ZNF469: variants seen among roughly 807,000 people sequenced by gnomAD.
ZNF469 encodes zinc finger protein 469.
In ZNF469, 1 loss-of-function variant was observed where a neutral mutation model predicts 1.0. That is an observed-to-expected ratio of 1.00 (90% CI 0.35 to 4.73). The LOEUF is 4.73. Ranked by LOEUF, ZNF469 falls within the 30% of genes most tolerant of loss-of-function variation. ZNF469 has a pLI of 0.16. For missense variants in ZNF469, 6,100 were observed against 5,356.3 expected, an observed-to-expected ratio of 1.14 and a Z score of -4.33; for synonymous variants, 2,703 against 2,363.4, an observed-to-expected ratio of 1.14 and a Z score of -4.17.
At chr16:88,252,358 G>A in the ZNF469 span, among the ~76,000 whole-genome samples, 1 of 151,124 alleles carries the variant, frequency 6.6e-6, no homozygotes, top group South Asian at 2.1e-4. Context: ...CACCCAGGCA[G>A]TCTTGCCCCT....
At chr16:88,123,172 C>T in the ZNF469 span, among the ~76,000 whole-genome samples, 2 of 152,194 alleles carry the variant, frequency 1.3e-5, no homozygotes, top group Non-Finnish European at 2.9e-5. Flanking sequence ...AAAGGCCCTG[C>T]TCCACCCCTT....
the ZNF469 span, among the ~76,000 whole-genome samples, chr16:88,127,896 A>G: frequency 3.9e-5 from 6 of 152,254 alleles, no homozygotes; most frequent in African/African-American, 1.4e-4. Flanking sequence ...GTGAAGGACC[A>G]GCCCAACAGT....
intron 1 of ZNF469, among the ~76,000 whole-genome samples, chr16:88,391,498 A>G (rs1489808185): frequency 1.2e-5 from 1 of 80,208 alleles, no homozygotes; most frequent in Non-Finnish European, 2.6e-5. Flanking sequence ...TCTGCCACCC[A>G]AGGCAAGGGT....
At chr16:88,398,249 C>G (rs1904747087) in intron 1 of ZNF469, among the ~76,000 whole-genome samples, 1 of 151,972 alleles carries the variant, frequency 6.6e-6, no homozygotes, top group Admixed American at 6.6e-5. Flanking sequence ...GCCACACACG[C>G]AAGACACCAC....
chr16:88,345,660 G>T, the ZNF469 span, among the ~76,000 whole-genome samples: 1 of 152,186 alleles, frequency 6.6e-6, no homozygotes, highest in East Asian at 1.9e-4. Flanking sequence ...AGCCCAGAGG[G>T]AGCCTCTGGC....
chr16:88,395,684 A>C (rs2142268398), intron 1 of ZNF469, among the ~76,000 whole-genome samples: 1 of 152,216 alleles, frequency 6.6e-6, no homozygotes, highest in Middle Eastern at 3.4e-3. Flanking sequence ...TAAATGCCTC[A>C]CTCAGGGCTG....
At chr16:88,351,536 C>T in the ZNF469 span, among the ~76,000 whole-genome samples, 600 of 152,318 alleles carry the variant, frequency 3.9e-3, 10 homozygotes, top group African/African-American at 0.014. Context: ...GGAGCAAGAG[C>T]ATCCCAGGCT....
chr16:88,107,913 C>G, the ZNF469 span, among the ~76,000 whole-genome samples: 14 of 152,222 alleles, frequency 9.2e-5, no homozygotes, highest in Non-Finnish European at 2.1e-4. Context: ...GTCATGGCAG[C>G]CCAGGCGCCT....
chr16:88,433,846 A>G lies in ZNF469; in HGVS notation c.6376A>G (p.Ser2126Gly). Residue 2126 changes from serine to glycine, a missense_variant, in exon 3 of 3, where the codon AGC becomes GGC. By Grantham distance (56) the Ser-to-Gly change is moderately conservative. Coordinates refer to ENST00000565624, the MANE Select transcript of ZNF469 (RefSeq NM_001367624.2). ...CACTTCAGCCGCCCACATGCCCTGCAGCCTTGGGCCCCTGCCCCGTGAAGA... is the reference window on the plus strand; with the variant it reads ...CACTTCAGCCGCCCACATGCCCTGCGGCCTTGGGCCCCTGCCCCGTGAAGA... ...SPTSAAHMPC[S>G]LGPLPREDPL... The G allele has an allele frequency of 6.5e-7, 1 of 1,549,774 alleles. No homozygotes were observed.
the ZNF469 span, among the ~76,000 whole-genome samples, chr16:88,225,227 A>G: frequency 6.6e-6 from 1 of 152,190 alleles, no homozygotes; most frequent in Non-Finnish European, 1.5e-5. Flanking sequence ...AGTTTCCTCA[A>G]ATATTCTAAA....
chr16:88,268,729 C>G, the ZNF469 span, among the ~76,000 whole-genome samples: 14 of 152,206 alleles, frequency 9.2e-5, no homozygotes, highest in African/African-American at 3.1e-4. Flanking sequence ...TCTTTGGAAG[C>G]AAGTCACTAA....
chr16:88,215,383 ATTTTTTTT>A, the ZNF469 span, among the ~76,000 whole-genome samples: 788 of 94,202 alleles, frequency 8.4e-3, 8 homozygotes, highest in African/African-American at 0.033. Flanking sequence ...TTGCCTTTTA[ATTTTTTTT>A]TTTTTTTTTT....
intron 1 of ZNF469, among the ~76,000 whole-genome samples, chr16:88,387,847 G>C (rs1311432110): frequency 6.6e-6 from 1 of 152,096 alleles, no homozygotes; most frequent in Non-Finnish European, 1.5e-5. Context: ...CCCCCGCCGT[G>C]GAGGAACCAG....
chr16:88,155,506 C>T, the ZNF469 span, among the ~76,000 whole-genome samples: 1 of 152,210 alleles, frequency 6.6e-6, no homozygotes. Context: ...CAGTCCTCTG[C>T]TTCTGCTTCT....
chr16:88,262,317 G>A, the ZNF469 span, among the ~76,000 whole-genome samples: 1 of 152,224 alleles, frequency 6.6e-6, no homozygotes, highest in Non-Finnish European at 1.5e-5. The surrounding 1 kb of genome is among the most constrained non-coding windows in gnomAD (Gnocchi z 4.3). Context: ...CCCAGAGCGA[G>A]AAGGCAGCCT....
the ZNF469 span, among the ~76,000 whole-genome samples, chr16:88,224,880 G>A: frequency 6.6e-6 from 1 of 152,212 alleles, no homozygotes; most frequent in Non-Finnish European, 1.5e-5. Flanking sequence ...AGGGTGTTGA[G>A]CGGCTCAGGA....
chr16:88,325,457 A>G, the ZNF469 span, among the ~76,000 whole-genome samples: 86 of 152,232 alleles, frequency 5.6e-4, no homozygotes, highest in African/African-American at 2.0e-3. Context: ...GCCGCTGAGT[A>G]CCCTGCCCAG....
intron 1 of ZNF469, among the ~76,000 whole-genome samples, chr16:88,409,781 C>A (rs966998679): frequency 4.6e-5 from 7 of 151,720 alleles, no homozygotes; most frequent in Non-Finnish European, 7.4e-5. Flanking sequence ...GGCATCCAGG[C>A]AGCTTGGGCA....
chr16:88,385,050 CT>C (rs2092534144), intron 1 of ZNF469, among the ~76,000 whole-genome samples: 1 of 152,192 alleles, frequency 6.6e-6, no homozygotes, highest in Admixed American at 6.5e-5. Context: ...TGGTCTCCCC[CT>C]GTATGCCTAA....
Sources: gnomAD v4.1 joint callset for allele counts (sites outside exome capture counted in the v4.1 genomes callset) on GRCh38, gnomAD v4.1.1 for gene constraint, Gnocchi (gnomAD v3.1) non-coding constraint, MANE v1.5 for transcripts, NCBI Gene and HGNC (gene_info 2026-07-23, HGNC 2026-07-21) for gene names.